The following RBKS variants were observed in gnomAD, a reference collection of about 807,000 sequenced individuals.
RBKS encodes the protein ribokinase.
RBKS carries 33 observed loss-of-function variants against 33.9 expected under a neutral mutation model. The ratio of observed to expected loss-of-function variants is 0.97; its 90% confidence interval spans 0.74 to 1.30. The LOEUF is 1.30. Among genes scored for constraint, RBKS ranks in the 50% most tolerant of loss-of-function variants. RBKS has a pLI of 0.00. For missense variants in RBKS, 361 were observed against 392.6 expected (o/e 0.92, Z 0.68); for synonymous variants, 125 against 143.0 (o/e 0.87, Z 0.90).
At chr2:27,840,359 C>CACACAT (rs1475964445) in intron 5 of RBKS, among the ~76,000 whole-genome samples, 1 of 101,134 alleles carries the variant, frequency 9.9e-6, no homozygotes, top group East Asian at 2.9e-4. Context: ...CACACACGCG[C>CACACAT]GCGCGCACAC....
chr2:27,784,018 C>T (rs1385384036), intron 7 of RBKS, among the ~76,000 whole-genome samples: 4 of 71,138 alleles, frequency 5.6e-5, no homozygotes, highest in East Asian at 5.0e-4. Context: ...GAGTCTCGCT[C>T]TGTCGCCCAG....
At chr2:27,823,196 C>T (rs527555348) in intron 7 of RBKS, among the ~76,000 whole-genome samples, 1 of 152,294 alleles carries the variant, frequency 6.6e-6, no homozygotes, top group Non-Finnish European at 1.5e-5. Context: ...GGAGAAGAGA[C>T]ACATCTGTCA....
intron 1 of RBKS, chr2:27,889,896 G>C (rs1239932834): frequency 8.9e-6 from 2 of 225,154 alleles, no homozygotes; most frequent in Non-Finnish European, 1.7e-5. Context: ...CATTCTCGGA[G>C]GTAAAATGAC....
intron 4 of RBKS, among the ~76,000 whole-genome samples, chr2:27,845,002 GC>G (rs1663595327): frequency 6.6e-6 from 1 of 152,148 alleles, no homozygotes; most frequent in South Asian, 2.1e-4. Context: ...GTGTTTGTTG[GC>G]CACGAGGAAG....
At chr2:27,804,820 G>A (rs550090984) in intron 7 of RBKS, among the ~76,000 whole-genome samples, 1 of 152,118 alleles carries the variant, frequency 6.6e-6, no homozygotes, top group Non-Finnish European at 1.5e-5. Flanking sequence ...CAAGGCCGGC[G>A]GATTGCTTGA....
intron 7 of RBKS, among the ~76,000 whole-genome samples, chr2:27,788,859 AAAAC>A (rs1281351025): frequency 1.3e-5 from 2 of 152,232 alleles, no homozygotes; most frequent in Admixed American, 6.5e-5. Context: ...AAATTAAAGA[AAAAC>A]AAATGGTGAG....
rs1019442941 is a variant in RBKS at position 27,858,419 on chromosome 2, C to T, written c.222+20G>A. The T allele has an allele frequency of 1.9e-6, 3 of 1,599,206 alleles. No individual in the cohort carries two copies. The highest frequency in any genetic ancestry group is 2.6e-6 in the Non-Finnish European group (3 of 1,175,298). The stretch of plus-strand genomic sequence containing the variant: ...CAGATTCTTACCTCTAGAGTCCTCT[C>T]CACTATACTTTGTACTTACCTTACA... On this transcript the variant is annotated intron_variant, in intron 2 of 7. Transcript: ENST00000302188.
intron 7 of RBKS, among the ~76,000 whole-genome samples, chr2:27,783,721 C>A (rs958146332): frequency 6.6e-6 from 1 of 151,690 alleles, no homozygotes; most frequent in Admixed American, 6.6e-5. Context: ...TCCCGGCTAA[C>A]ACGGTGAAAC....
At chr2:27,841,105 G>A (rs543345088) in intron 5 of RBKS, among the ~76,000 whole-genome samples, 46 of 152,196 alleles carry the variant, frequency 3.0e-4, no homozygotes, top group African/African-American at 1.1e-3. Flanking sequence ...GGGTCCTCCA[G>A]CTCCCAACTG....
intron 1 of RBKS, among the ~76,000 whole-genome samples, chr2:27,881,588 A>C: frequency 6.6e-6 from 1 of 151,932 alleles, no homozygotes; most frequent in Non-Finnish European, 1.5e-5. Flanking sequence ...TTCATATGGA[A>C]CCAAAAAAGA....
intron 1 of RBKS, among the ~76,000 whole-genome samples, chr2:27,873,027 C>A (rs923778576): frequency 1.3e-5 from 2 of 152,054 alleles, no homozygotes; most frequent in East Asian, 3.9e-4. Flanking sequence ...ATGAGGAGGG[C>A]AGTGGGGCCA....
chr2:27,880,066 C>T (rs1267269279), intron 1 of RBKS, among the ~76,000 whole-genome samples: 2 of 152,100 alleles, frequency 1.3e-5, no homozygotes, highest in Admixed American at 6.6e-5. Flanking sequence ...CATCAAAAAG[C>T]GAATCCACCA....
intron 5 of RBKS, 142 bp from the exon 6 acceptor site, chr2:27,832,919 A>G (rs1029938259): frequency 6.4e-6 from 4 of 628,306 alleles, no homozygotes; most frequent in Non-Finnish European, 1.1e-5. Context: ...GGATGTAGAG[A>G]AAAGTCTGAA....
intron 7 of RBKS, among the ~76,000 whole-genome samples, chr2:27,792,458 TGTTA>T (rs1677553342): frequency 6.6e-6 from 1 of 152,242 alleles, no homozygotes; most frequent in Non-Finnish European, 1.5e-5. Context: ...GCTAAGCAAC[TGTTA>T]GTTCTTTCCT....
In RBKS at chr2:27,781,493, G is replaced by A. The variant is rs751611857; in HGVS notation, c.*122C>T. 13 of 739,200 alleles carry A rather than the reference G, an allele frequency of 1.8e-5. No individual in the cohort carries two copies. The highest frequency in any genetic ancestry group is 6.0e-5 in the Admixed American group (2 of 33,236). 45.8% of individuals were successfully genotyped at this position (739,200 alleles called of 1,614,324 possible). ...TAAATTGAAGCTTGAGGATGACTTCGTAAAAGAACTAATATTTGCAAAGAA... is the reference window on the plus strand; with the variant it reads ...TAAATTGAAGCTTGAGGATGACTTCATAAAAGAACTAATATTTGCAAAGAA... On this transcript the variant is annotated 3_prime_UTR_variant, in exon 8 of 8. Transcript: ENST00000302188.
chr2:27,803,558 C>T (rs1677838262), intron 7 of RBKS, among the ~76,000 whole-genome samples: 1 of 151,860 alleles, frequency 6.6e-6, no homozygotes, highest in South Asian at 2.1e-4. Context: ...GGTTTGGTGG[C>T]ATGTACTTAT....
At chr2:27,790,108 G>A (rs948498623) in intron 7 of RBKS, among the ~76,000 whole-genome samples, 1 of 151,660 alleles carries the variant, frequency 6.6e-6, no homozygotes, top group Admixed American at 6.6e-5. Flanking sequence ...GAGATTACAA[G>A]TGTGATTACA....
At chr2:27,885,545 T>C (rs1345216229) in intron 1 of RBKS, among the ~76,000 whole-genome samples, 3 of 152,206 alleles carry the variant, frequency 2.0e-5, no homozygotes, top group African/African-American at 7.2e-5. Context: ...AGTACACTAT[T>C]CCTTCTGCCT....
chr2:27,884,861 GAA>G (rs1248978225), intron 1 of RBKS, among the ~76,000 whole-genome samples: 2 of 152,176 alleles, frequency 1.3e-5, no homozygotes, highest in African/African-American at 4.8e-5. Flanking sequence ...AGAGAGACTT[GAA>G]GAGAGACAGG....
Sources: allele counts gnomAD v4.1 joint callset (sites outside exome capture counted in the v4.1 genomes callset), GRCh38; gene constraint gnomAD v4.1.1; transcripts MANE v1.5; gene names NCBI Gene and HGNC (gene_info 2026-07-23, HGNC 2026-07-21).